Variants in ZC3H13 observed in about 807,000 individuals in gnomAD.
ZC3H13 encodes zinc finger CCCH-type containing 13.
In ZC3H13, 64 loss-of-function variants were observed where a neutral mutation model predicts 204.1. The ratio of observed to expected loss-of-function variants is 0.31; its 90% CI spans 0.26 to 0.39. The LOEUF (loss-of-function observed/expected upper bound fraction) is 0.39, where lower values mean the gene tolerates loss of function less well. ZC3H13 is among the 10% of genes least tolerant of loss of function. ZC3H13 has a pLI of 1.00. For missense variants in ZC3H13, 1,833 were observed against 2,082.7 expected (o/e 0.88, Z 2.33); for synonymous variants, 667 against 693.7 (o/e 0.96, Z 0.60).
chr13:46,000,012 G>C (rs112635907), intron 8 of ZC3H13, among the ~76,000 whole-genome samples: 24 of 152,308 alleles, frequency 1.6e-4, no homozygotes, highest in African/African-American at 5.5e-4. Flanking sequence ...GGTCTCAATA[G>C]TGGGCTTAAA....
At chr13:45,968,689 T>C (rs1395112276) in intron 14 of ZC3H13, 59 bp downstream of exon 14, 1 of 1,499,218 alleles carries the variant, frequency 6.7e-7, no homozygotes, top group East Asian at 2.3e-5. Flanking sequence ...AGAATTAAAA[T>C]GTGTATAAAA....
rs144601974 is a variant in ZC3H13, at chr13:45,969,135, T to C, written c.3409A>G (p.Ile1137Val). Residue 1137 changes from isoleucine to valine, a missense_variant, in exon 14 of 19, where the codon ATT becomes GTT. This residue lies in a region of ZC3H13 where 1,574 missense variants were observed against 1,757.2 expected (regional missense o/e 0.90). Transcript: ENST00000679008. The part of the protein sequence containing the change: ...ATSFSTSAIT[I>V]STSATPTNTT... ...TTGGTGGGGGTGGCAGAGGTGGAAA[T>C]AGTGATGGCAGATGTGCTGAAAGAG... 96 of 1,614,010 alleles carry C rather than the reference T, an allele frequency of 5.9e-5. No individual in the cohort carries two copies. In the African/African-American group the frequency reaches 7.9e-4, roughly 13 times the overall value.
At chr13:45,968,547 G>C (rs1226120034) in intron 14 of ZC3H13, among the ~76,000 whole-genome samples, 1 of 152,006 alleles carries the variant, frequency 6.6e-6, no homozygotes, top group Non-Finnish European at 1.5e-5. Flanking sequence ...TAACACTACT[G>C]TATGTATTTC....
intron 8 of ZC3H13, among the ~76,000 whole-genome samples, chr13:45,993,458 A>G (rs931882082): frequency 6.6e-6 from 1 of 152,178 alleles, no homozygotes; most frequent in Non-Finnish European, 1.5e-5. Flanking sequence ...GGTAGGAGGG[A>G]TCTTGATGTA....
chr13:46,024,270 C>A (rs1327377187), intron 4 of ZC3H13, among the ~76,000 whole-genome samples: 1 of 152,172 alleles, frequency 6.6e-6, no homozygotes, highest in Non-Finnish European at 1.5e-5. Context: ...ATAAAAATTT[C>A]TCCTTTACTA....
chr13:46,003,325 G>T lies in ZC3H13; in HGVS notation c.758C>A (p.Thr253Asn). The T allele has an allele frequency of 6.2e-7, 1 of 1,606,056 alleles. No individual in the cohort carries two copies. Among genetic ancestry groups the T allele is most frequent in the South Asian group, 1.1e-5 (1 of 88,342 alleles). The change falls in exon 8 of 19, where the codon ACC (threonine) becomes AAC (asparagine). Residue 253 changes from threonine (T) to asparagine (N), a missense_variant. By Grantham distance (65) the Thr-to-Asn change is moderately conservative. Transcript: ENST00000679008. ...PLLDQQRNSK[T>N]NQSKKKGPRT... ...TGGTCCTTTCTTTTTACTTTGGTTG[G>T]TTTTTGAATTTCTGAAGGTAACAAA...
Position 45,968,886 on chromosome 13 carries a change from C to T in ZC3H13, c.3658G>A (p.Asp1220Asn), listed in dbSNP as rs765287895. 1 of 1,614,178 alleles carries T rather than the reference C, an allele frequency of 6.2e-7. No individual in the cohort carries two copies. The highest frequency in any genetic ancestry group is 1.1e-5 in the South Asian group (1 of 91,076). Residue 1220 changes from aspartate (D) to asparagine (N), a missense_variant, in exon 14 of 19, where the codon GAC (aspartate) becomes AAC (asparagine). Asp to Asn is a conservative substitution (Grantham distance 23). This residue lies in a region of ZC3H13 where 1,574 missense variants were observed against 1,757.2 expected (regional missense o/e 0.90). Coordinates refer to ENST00000679008, the MANE Select transcript of ZC3H13 (RefSeq NM_001330564.2). Reference sequence around the variant, plus strand: ...AGTACTCTCTTTCGACCACTTTGGTCATCTCCACTTCGATGGGCTGAATCA... The same window carrying T: ...AGTACTCTCTTTCGACCACTTTGGTTATCTCCACTTCGATGGGCTGAATCA... ...SNDSAHRSGD[D>N]QSGRKRVLHS...
At chr13:45,987,404 A>G (rs536238512) in intron 9 of ZC3H13, among the ~76,000 whole-genome samples, 1 of 152,284 alleles carries the variant, frequency 6.6e-6, no homozygotes, top group Non-Finnish European at 1.5e-5. Context: ...TTAAATATGT[A>G]CTATATTCCT....
chr13:46,050,953 AACT>A (rs2139287781), intron 1 of ZC3H13, among the ~76,000 whole-genome samples: 1 of 152,300 alleles, frequency 6.6e-6, no homozygotes, highest in African/African-American at 2.4e-5. Context: ...TTAATGCTTC[AACT>A]ACTACTAACA....
At chr13:46,009,121 G>A (rs1218751688) in intron 7 of ZC3H13, among the ~76,000 whole-genome samples, 5 of 152,144 alleles carry the variant, frequency 3.3e-5, no homozygotes, top group African/African-American at 1.2e-4. Context: ...AAAGGGAACA[G>A]AACTTATGTT....
chr13:46,017,113 C>T (rs746181849), intron 5 of ZC3H13, among the ~76,000 whole-genome samples: 22 of 151,818 alleles, frequency 1.4e-4, no homozygotes, highest in Admixed American at 6.6e-5. Flanking sequence ...ACACGTACGA[C>T]GTTAATGAAG....
At chr13:46,029,894 A>G (rs1020756483) in intron 4 of ZC3H13, among the ~76,000 whole-genome samples, 3 of 152,206 alleles carry the variant, frequency 2.0e-5, no homozygotes, top group African/African-American at 7.2e-5. Flanking sequence ...AAAATGATGG[A>G]TATGGAAATC....
chr13:46,010,542 T>A (rs1273399315), intron 6 of ZC3H13, 37 bp from the exon 7 acceptor site: 1 of 1,587,810 alleles, frequency 6.3e-7, no homozygotes, highest in Non-Finnish European at 8.6e-7. Context: ...CAGAAATTCC[T>A]CCACTTATGG....
At position 46,042,272 on chromosome 13, in the gene ZC3H13, T is replaced by C; in HGVS notation, c.231A>G (p.Ser77=). ...GKGYSSNYRR[S]PERPTGDLRE... ...TAAGATCCCCTGTAGGTCTTTCTGGTGACCTTTGAACCAAAACACAGAAAC... is the reference window on the plus strand; with the variant it reads ...TAAGATCCCCTGTAGGTCTTTCTGGCGACCTTTGAACCAAAACACAGAAAC... Residue 77 remains serine, a synonymous_variant, in exon 4 of 19, where the codon TCA becomes TCG. Transcript: ENST00000679008. 6.2e-7 allele frequency: 1 copy of C among 1,610,782 alleles called. No individual in the cohort carries two copies. The highest frequency in any genetic ancestry group is 8.5e-7 in the Non-Finnish European group (1 of 1,177,772).
intron 4 of ZC3H13, among the ~76,000 whole-genome samples, chr13:46,033,766 G>C (rs1370891126): frequency 2.6e-5 from 4 of 151,986 alleles, no homozygotes; most frequent in African/African-American, 9.7e-5. Flanking sequence ...GTGATCTTCA[G>C]AGAAACAAAG....
chr13:46,003,648 T>C (rs1468959970), intron 7 of ZC3H13, among the ~76,000 whole-genome samples: 1 of 152,178 alleles, frequency 6.6e-6, no homozygotes, highest in Non-Finnish European at 1.5e-5. Context: ...ACTGTTTTTT[T>C]TTAAGACAGA....
Position 46,015,935 on chromosome 13 carries a change from GA to G in ZC3H13, c.449-4382del, listed in dbSNP as rs796506985. The stretch of plus-strand genomic sequence containing the variant: ...CATAAAGAATTCCTCTAATTAACAA[GA>G]AAAAAAAAACAGGTAACACAATAGC... On this transcript the variant is annotated intron_variant, in intron 5 of 18. Transcript: ENST00000679008. Among the ~76,000 whole-genome samples the G allele has an allele frequency of 6.2e-4, 91 of 146,152 alleles. 3 individuals are homozygous for G. Among genetic ancestry groups the G allele is most frequent in the Admixed American group, 4.3e-3 (63 of 14,676 alleles).
chr13:46,000,013 TG>T lies in ZC3H13; in HGVS notation c.944+3125del, dbSNP rs1258836241. On this transcript the variant is annotated intron_variant, in intron 8 of 18. Transcript: ENST00000679008. ...TCTTCTGAGCAATAGGTCTCAATAG[TG>T]GGCTTAAAATATTTAGTAAACCATG... 3.3e-5 allele frequency among the ~76,000 whole-genome samples: 5 copies of T among 152,202 alleles called. No homozygotes were observed. The South Asian group carries it at 1.0e-3, about 31-fold the overall frequency.
intron 4 of ZC3H13, among the ~76,000 whole-genome samples, chr13:46,025,090 T>C (rs1474389881): frequency 6.6e-6 from 1 of 152,230 alleles, no homozygotes; most frequent in Non-Finnish European, 1.5e-5. Flanking sequence ...ACTCAATTAT[T>C]TGTATGTCAA....
Sources: gnomAD v4.1 joint callset for allele counts (sites outside exome capture counted in the v4.1 genomes callset) on GRCh38, gnomAD v4.1.1 for gene constraint, gnomAD v4.1.1 regional missense constraint, MANE v1.5 for transcripts, NCBI Gene and HGNC (gene_info 2026-07-23, HGNC 2026-07-21) for gene names.